Variants in ABHD12 observed in about 807,000 individuals in gnomAD.
ABHD12 encodes the protein lysophosphatidylserine lipase ABHD12.
Under a neutral mutation model 58.3 loss-of-function variants are expected in ABHD12, and 43 were observed. The observed-to-expected ratio is 0.74, with a 90% CI of 0.58 to 0.95. The LOEUF (loss-of-function observed/expected upper bound fraction) is 0.95. ABHD12 is among the 40% of genes least tolerant of loss of function. The pLI is 0.00. For synonymous variants in ABHD12, 219 were observed against 211.2 expected (o/e 1.04, Z -0.32); for missense variants, 539 against 537.2 (o/e 1.00, Z -0.03).
intron 1 of ABHD12, among the ~76,000 whole-genome samples, chr20:25,352,474 G>A (rs2089614292): frequency 6.6e-6 from 1 of 151,844 alleles, no homozygotes; most frequent in Admixed American, 6.6e-5. Context: ...TTTTTTAGTA[G>A]AGACAGGGTT....
rs2146093280 is a variant in ABHD12, at chr20:25,364,259, CT to C, written c.192-24909del. On this transcript the variant is annotated intron_variant, in intron 1 of 12. Coordinates refer to ENST00000339157, the MANE Select transcript of ABHD12 (RefSeq NM_001042472.3). The stretch of plus-strand genomic sequence containing the variant: ...ATTTATCTTCAGATGACAAAGGTGC[CT>C]TAGTCCATTTTTGTGTTGCTATATT... 2.0e-5 allele frequency among the ~76,000 whole-genome samples: 3 copies of C among 152,292 alleles called. No homozygotes were observed. In the East Asian group the frequency reaches 5.8e-4, roughly 29 times the overall value.
At chr20:25,337,498 G>A (rs541801891) in intron 2 of ABHD12, among the ~76,000 whole-genome samples, 2 of 152,236 alleles carry the variant, frequency 1.3e-5, no homozygotes, top group Non-Finnish European at 2.9e-5. Context: ...AACAAAATCT[G>A]TAGGCTGTGT....
At chr20:25,341,641 G>A (rs947806203) in intron 1 of ABHD12, among the ~76,000 whole-genome samples, 1 of 152,160 alleles carries the variant, frequency 6.6e-6, no homozygotes, top group South Asian at 2.1e-4. Context: ...GACTGCACAT[G>A]TGAGTCCTTG....
chr20:25,310,013 CTCTT>C (rs1307397691), intron 6 of ABHD12, among the ~76,000 whole-genome samples: 2 of 152,232 alleles, frequency 1.3e-5, no homozygotes, highest in African/African-American at 2.4e-5. Context: ...TTCTCCCTCT[CTCTT>C]TCTTAACAGG....
Position 25,330,114 on chromosome 20 carries a change from C to A in ABHD12, c.317-6684G>T, listed in dbSNP as rs551330794. Among the ~76,000 whole-genome samples the A allele has an allele frequency of 2.0e-5, 3 of 152,356 alleles. No individual in the cohort carries two copies. The East Asian group carries it at 5.8e-4, about 29-fold the overall frequency. ...CAGGTCAGTGGGTACGCGCACCGTG[C>A]GCAAGCCAAAGCAGGGCAAGGCATT... On this transcript the variant is annotated intron_variant, in intron 2 of 12. Transcript: ENST00000339157.
chr20:25,305,011 T>C (rs1226208164), intron 10 of ABHD12, among the ~76,000 whole-genome samples: 1 of 152,112 alleles, frequency 6.6e-6, no homozygotes, highest in Non-Finnish European at 1.5e-5. Flanking sequence ...TAGCTGGGAT[T>C]ACAGGCATGT....
intron 1 of ABHD12, among the ~76,000 whole-genome samples, chr20:25,388,328 A>G (rs2090121933): frequency 6.6e-6 from 1 of 152,308 alleles, no homozygotes; most frequent in South Asian, 2.1e-4. Context: ...TCTGCTACCT[A>G]CTACGTGCCA....
intron 1 of ABHD12, among the ~76,000 whole-genome samples, chr20:25,342,274 G>A (rs115201639): frequency 1.3e-3 from 196 of 152,270 alleles, no homozygotes; most frequent in African/African-American, 3.9e-3. Flanking sequence ...ATGCAACCAC[G>A]TAGATGAATC....
chr20:25,305,415 T>C (rs1052187779), intron 10 of ABHD12, among the ~76,000 whole-genome samples: 1 of 150,046 alleles, frequency 6.7e-6, no homozygotes, highest in Non-Finnish European at 1.5e-5. Flanking sequence ...CAGGCTGGAG[T>C]GCAGTGGCGC....
intron 1 of ABHD12, chr20:25,339,558 TG>T (rs2089426594): frequency 2.1e-6 from 3 of 1,433,918 alleles, no homozygotes; most frequent in Middle Eastern, 1.8e-4. Flanking sequence ...AGAACTCTAC[TG>T]GGGGTAAGAG....
chr20:25,325,089 C>T (rs1334702801), intron 2 of ABHD12, among the ~76,000 whole-genome samples: 1 of 151,524 alleles, frequency 6.6e-6, no homozygotes, highest in Non-Finnish European at 1.5e-5. Context: ...ACCTGTGATC[C>T]CAGCCACTTG....
chr20:25,322,731 C>CT (rs1371367419), intron 3 of ABHD12, among the ~76,000 whole-genome samples: 5 of 147,140 alleles, frequency 3.4e-5, no homozygotes, highest in Admixed American at 1.4e-4. Context: ...CTTATATTCT[C>CT]TTTTTTTTGG....
chr20:25,378,864 A>G (rs575643141), intron 1 of ABHD12, among the ~76,000 whole-genome samples: 138 of 152,158 alleles, frequency 9.1e-4, no homozygotes, highest in African/African-American at 3.3e-3. Flanking sequence ...CCTTTCCCAC[A>G]CCAACACCCA....
At chr20:25,346,440 G>C (rs2089519466) in intron 1 of ABHD12, among the ~76,000 whole-genome samples, 1 of 152,158 alleles carries the variant, frequency 6.6e-6, no homozygotes, top group Non-Finnish European at 1.5e-5. Context: ...ACAACATCAA[G>C]AGTGAACCCT....
chr20:25,384,448 T>C lies in ABHD12; in HGVS notation c.191+6065A>G, dbSNP rs550736930. 3.3e-5 allele frequency among the ~76,000 whole-genome samples: 5 copies of C among 150,646 alleles called. No individual in the cohort carries two copies. In the East Asian group the frequency reaches 9.8e-4, roughly 29 times the overall value. On this transcript the variant is annotated intron_variant, in intron 1 of 12. Coordinates refer to ENST00000339157, the MANE Select transcript of ABHD12 (RefSeq NM_001042472.3). ...ACACACTAAGACAAAAAAAAAACTA[T>C]ATAAACAAACAAAAGGCCGGGTGCA... is the stretch of plus-strand genomic sequence containing the variant.
At chr20:25,348,898 C>T (rs577875644) in intron 1 of ABHD12, among the ~76,000 whole-genome samples, 6 of 151,822 alleles carry the variant, frequency 4.0e-5, no homozygotes, top group Non-Finnish European at 5.9e-5. Context: ...CTGGCTAACA[C>T]GGTGAAACCC....
At chr20:25,337,886 T>TA (rs1300202469) in intron 2 of ABHD12, among the ~76,000 whole-genome samples, 2 of 152,216 alleles carry the variant, frequency 1.3e-5, no homozygotes, top group African/African-American at 4.8e-5. Flanking sequence ...TGACAAAACT[T>TA]AGAGATGAAA....
intron 1 of ABHD12, among the ~76,000 whole-genome samples, chr20:25,360,059 T>C (rs2089723796): frequency 6.6e-6 from 1 of 151,992 alleles, no homozygotes; most frequent in Non-Finnish European, 1.5e-5. Flanking sequence ...CCTCTGTCCT[T>C]GAGAGTGGGT....
chr20:25,376,699 G>A (rs1568772922), intron 1 of ABHD12, among the ~76,000 whole-genome samples: 2 of 152,156 alleles, frequency 1.3e-5, no homozygotes, highest in Non-Finnish European at 2.9e-5. Context: ...TCTCCTTCAT[G>A]AGAACAGAAG....
Sources: gnomAD v4.1 joint callset for allele counts (sites outside exome capture counted in the v4.1 genomes callset) on GRCh38, gnomAD v4.1.1 for gene constraint, MANE v1.5 for transcripts, NCBI Gene and HGNC (gene_info 2026-07-23, HGNC 2026-07-21) for gene names.